The following CYFIP2 variants were observed in gnomAD, a reference collection of about 807,000 sequenced individuals.
CYFIP2 encodes cytoplasmic FMR1 interacting protein 2, also known as cytoplasmic FMR1-interacting protein 2.
Under a neutral mutation model 158.7 loss-of-function variants are expected in CYFIP2, and 29 were observed. That is an observed-to-expected ratio of 0.18 (90% CI 0.14 to 0.25). The LOEUF (loss-of-function observed/expected upper bound fraction) is 0.25. Ranked by LOEUF, CYFIP2 falls within the 10% of genes least tolerant of loss-of-function variation. The probability of loss-of-function intolerance (pLI) is 1.00; values close to 1 mark genes in which losing one functional copy is unlikely to be tolerated. For missense variants in CYFIP2, 852 were observed against 1,639.5 expected (o/e 0.52, Z 8.29); for synonymous variants, 585 against 617.6 (o/e 0.95, Z 0.78).
intron 23 of CYFIP2, among the ~76,000 whole-genome samples, chr5:157,357,383 A>G (rs1225929008): frequency 6.6e-6 from 1 of 152,266 alleles, no homozygotes; most frequent in Non-Finnish European, 1.5e-5. Context: ...CTCCAAAAGC[A>G]TCATTAGAAT....
chr5:157,353,701 A>C (rs1477037020), intron 23 of CYFIP2, among the ~76,000 whole-genome samples: 1 of 152,176 alleles, frequency 6.6e-6, no homozygotes, highest in Non-Finnish European at 1.5e-5. Context: ...ATTTTAGGGA[A>C]TTGAGCTGCA....
chr5:157,312,978 C>T (rs1223933759), intron 11 of CYFIP2, among the ~76,000 whole-genome samples: 3 of 152,240 alleles, frequency 2.0e-5, no homozygotes, highest in Admixed American at 2.0e-4. Flanking sequence ...TCCCCAAGTG[C>T]TGGGATTACA....
chr5:157,314,110 C>G (rs1759949811), intron 11 of CYFIP2, among the ~76,000 whole-genome samples: 1 of 152,126 alleles, frequency 6.6e-6, no homozygotes, highest in African/African-American at 2.4e-5. Flanking sequence ...TTTAATATCT[C>G]TATGTAGGTA....
chr5:157,388,317 C>T (rs1014333612), intron 28 of CYFIP2, among the ~76,000 whole-genome samples: 4 of 152,154 alleles, frequency 2.6e-5, no homozygotes, highest in Admixed American at 6.5e-5. Flanking sequence ...GTAGCCAGAA[C>T]CCAGATGAAA....
At chr5:157,302,925 G>A (rs1184955618) in intron 7 of CYFIP2, 35 bp downstream of exon 7, 24 of 1,527,002 alleles carry the variant, frequency 1.6e-5, no homozygotes, top group Non-Finnish European at 2.0e-5. Context: ...CTGGCCTGAT[G>A]TCTCGGGGTT....
intron 1 of CYFIP2, among the ~76,000 whole-genome samples, chr5:157,272,459 A>G (rs1161751279): frequency 1.3e-5 from 2 of 152,244 alleles, no homozygotes; most frequent in Admixed American, 6.5e-5. Flanking sequence ...AAAAAATCAA[A>G]TAGTATTGAA....
chr5:157,271,314 A>G (rs1580936498), intron 1 of CYFIP2: 1 of 152,288 alleles, frequency 6.6e-6, no homozygotes, highest in African/African-American at 2.4e-5. Context: ...GAATGTCTCA[A>G]CTGTAGTCAT....
Position 157,330,808 on chromosome 5 carries a change from G to A in CYFIP2, c.2223G>A (p.Pro741=), listed in dbSNP as rs147011006. Residue 741 remains proline, a synonymous_variant, in exon 20 of 31, where the codon CCG becomes CCA. Coordinates refer to ENST00000620254, the MANE Select transcript of CYFIP2 (RefSeq NM_001037333.3). ...ATGGCGTCATCATTCCGTATCCACC[G>A]TCCAATCGCTATGAAACACTGCTGA... The part of the protein sequence containing the change: ...KNYGVIIPYP[P]SNRYETLLKQ... The A allele has an allele frequency of 2.2e-4, 361 of 1,613,958 alleles. 1 individual carries two copies. In the African/African-American group the frequency reaches 3.3e-3, roughly 15 times the overall value.
chr5:157,316,166 A>C (rs1249988133), intron 13 of CYFIP2, among the ~76,000 whole-genome samples: 1 of 152,218 alleles, frequency 6.6e-6, no homozygotes, highest in Non-Finnish European at 1.5e-5. Context: ...TAAGTTAAAA[A>C]AGAAACAATT....
chr5:157,376,977 C>T (rs766963774), intron 26 of CYFIP2: 18 of 445,804 alleles, frequency 4.0e-5, no homozygotes, highest in Middle Eastern at 3.3e-4. Flanking sequence ...ACTCCATAAA[C>T]GGTACCAACG....
chr5:157,365,653 TAG>T, intron 26 of CYFIP2, among the ~76,000 whole-genome samples: 1 of 152,042 alleles, frequency 6.6e-6, no homozygotes, highest in East Asian at 1.9e-4. Context: ...TATAGTACCA[TAG>T]ATGGTTCTTT....
intron 1 of CYFIP2, among the ~76,000 whole-genome samples, chr5:157,273,117 C>T (rs915439202): frequency 6.6e-5 from 10 of 152,182 alleles, no homozygotes; most frequent in African/African-American, 1.9e-4. Context: ...CCACCTGCCT[C>T]GGCCTCCCAA....
chr5:157,297,506 T>TAAGAA (rs1406854465), intron 5 of CYFIP2, among the ~76,000 whole-genome samples: 5 of 152,254 alleles, frequency 3.3e-5, no homozygotes, highest in Admixed American at 3.3e-4. Context: ...AGTAGGACCC[T>TAAGAA]GGTCAGAGTA....
intron 4 of CYFIP2, among the ~76,000 whole-genome samples, chr5:157,295,588 C>T (rs776396463): frequency 3.3e-5 from 5 of 152,224 alleles, no homozygotes; most frequent in Non-Finnish European, 5.9e-5. Flanking sequence ...TGTTTTGTTT[C>T]ACTTAATAAA....
chr5:157,281,632 A>G (rs1446548871), intron 1 of CYFIP2, among the ~76,000 whole-genome samples: 1 of 152,106 alleles, frequency 6.6e-6, no homozygotes, highest in Admixed American at 6.6e-5. Context: ...CTGTGGAGTT[A>G]CTCCAATAGT....
intron 23 of CYFIP2, among the ~76,000 whole-genome samples, chr5:157,347,071 T>C (rs994801938): frequency 1.3e-5 from 2 of 152,198 alleles, no homozygotes; most frequent in East Asian, 3.8e-4. Context: ...ATACACATTA[T>C]ATGTTTTTAA....
At chr5:157,323,450 A>G (rs1010243489) in intron 15 of CYFIP2, among the ~76,000 whole-genome samples, 2 of 152,020 alleles carry the variant, frequency 1.3e-5, no homozygotes, top group African/African-American at 2.4e-5. Flanking sequence ...ATCTGGTCCA[A>G]CCCCCTCATG....
chr5:157,285,023 G>A (rs967500405), intron 1 of CYFIP2, among the ~76,000 whole-genome samples: 4 of 152,166 alleles, frequency 2.6e-5, no homozygotes, highest in African/African-American at 9.7e-5. Flanking sequence ...TCACGTGACT[G>A]TGTGGGCATC....
In CYFIP2 at chr5:157,341,424, G is replaced by A. The variant is rs112320355; in HGVS notation, c.2673+267G>A. 1.6e-3 allele frequency among the ~76,000 whole-genome samples: 240 copies of A among 152,116 alleles called. 1 individual carries two copies. Among genetic ancestry groups the A allele is most frequent in the African/African-American group, 4.7e-3 (194 of 41,502 alleles). On this transcript the variant is annotated intron_variant, in intron 23 of 30. Coordinates refer to ENST00000620254, the MANE Select transcript of CYFIP2 (RefSeq NM_001037333.3). Reference sequence around the variant, plus strand: ...AAATAAAAAATTAGCTAGACATGGCGGCATGCACCAGTAGCTACTTGGAAG... The same window carrying A: ...AAATAAAAAATTAGCTAGACATGGCAGCATGCACCAGTAGCTACTTGGAAG...
Sources: allele counts gnomAD v4.1 joint callset (sites outside exome capture counted in the v4.1 genomes callset), GRCh38; gene constraint gnomAD v4.1.1; transcripts MANE v1.5; gene names NCBI Gene and HGNC (gene_info 2026-07-23, HGNC 2026-07-21).